Variants in TLN2 observed in about 807,000 individuals in gnomAD.
TLN2 encodes talin 2, also known as talin-2.
A neutral mutation model predicts 294.7 loss-of-function variants in TLN2; 118 were observed. That is an observed-to-expected ratio of 0.40 (90% CI 0.34 to 0.47). The LOEUF (loss-of-function observed/expected upper bound fraction) is 0.47. Among genes scored for constraint, TLN2 ranks in the 20% least tolerant of loss-of-function variants. The pLI, the probability that TLN2 is intolerant of heterozygous loss-of-function variation, is 0.84. For synonymous variants in TLN2, 1,431 were observed against 1,304.5 expected (o/e 1.10, Z -2.09); for missense variants, 3,083 against 3,282.2 (o/e 0.94, Z 1.48).
chr15:62,821,896 C>T (rs1262182818), intron 54 of TLN2, among the ~76,000 whole-genome samples: 2 of 152,152 alleles, frequency 1.3e-5, no homozygotes, highest in East Asian at 3.8e-4. Context: ...TAAGAGTCAA[C>T]CATTAACTAA....
At chr15:62,673,321 T>TTTTTTTTTA (rs2055705959) in intron 9 of TLN2, among the ~76,000 whole-genome samples, 1 of 140,406 alleles carries the variant, frequency 7.1e-6, no homozygotes, top group Non-Finnish European at 1.5e-5. Context: ...TTTTTTTTTT[T>TTTTTTTTTA]TTTTTTTGCA....
At chr15:62,495,817 G>A (rs1311446305) in intron 1 of TLN2, among the ~76,000 whole-genome samples, 1 of 152,092 alleles carries the variant, frequency 6.6e-6, no homozygotes, top group Non-Finnish European at 1.5e-5. Context: ...TTGCAGCAAG[G>A]TGGGGTGTGG....
chr15:62,599,183 C>G (rs1567169599), intron 2 of TLN2, among the ~76,000 whole-genome samples: 3 of 152,156 alleles, frequency 2.0e-5, no homozygotes, highest in Admixed American at 6.5e-5. Context: ...AAGGAAACAT[C>G]TTTAGAGCTG....
intron 16 of TLN2, 145 bp from the exon 17 acceptor site, chr15:62,700,961 T>A: frequency 1.5e-6 from 1 of 653,274 alleles, no homozygotes. Flanking sequence ...AAGGATACTG[T>A]TTAGGATAAC....
chr15:62,741,748 C>CGTGTGTGTGTGTGTGTGTGTGTGTGTGT (rs1555495658), intron 32 of TLN2, among the ~76,000 whole-genome samples: 68 of 131,160 alleles, frequency 5.2e-4, no homozygotes, highest in African/African-American at 1.7e-3. Context: ...AAAATTTGCG[C>CGTGTGTGTGTGTGTGTGTGTGTGTGTGT]GTGTGTGTGT....
At chr15:62,630,397 G>C (rs1264009439) in intron 3 of TLN2, among the ~76,000 whole-genome samples, 1 of 152,148 alleles carries the variant, frequency 6.6e-6, no homozygotes, top group Non-Finnish European at 1.5e-5. Flanking sequence ...TTGACTCCCT[G>C]ATATTTTTGC....
intron 1 of TLN2, among the ~76,000 whole-genome samples, chr15:62,554,052 C>T (rs2042469304): frequency 6.6e-6 from 1 of 150,944 alleles, no homozygotes; most frequent in Non-Finnish European, 1.5e-5. Context: ...ACTCAATTTT[C>T]AGGTAGATAA....
At chr15:62,572,043 G>T (rs1298958704) in intron 1 of TLN2, among the ~76,000 whole-genome samples, 1 of 152,084 alleles carries the variant, frequency 6.6e-6, no homozygotes, top group South Asian at 2.1e-4. Flanking sequence ...CCTTGTGCTG[G>T]GCACCTGGCA....
At chr15:62,586,103 T>C (rs991853831) in intron 1 of TLN2, among the ~76,000 whole-genome samples, 1 of 152,242 alleles carries the variant, frequency 6.6e-6, no homozygotes, top group Non-Finnish European at 1.5e-5. Context: ...ACTGCTGTGC[T>C]GTTGCTTTCC....
chr15:62,781,615 T>C (rs1191391825), intron 44 of TLN2, among the ~76,000 whole-genome samples: 3 of 152,108 alleles, frequency 2.0e-5, no homozygotes, highest in South Asian at 2.1e-4. Flanking sequence ...TTTTAGTAGA[T>C]TAAAATAACA....
intron 22 of TLN2, among the ~76,000 whole-genome samples, chr15:62,713,288 A>AG (rs1407997019): frequency 1.3e-5 from 2 of 151,216 alleles, no homozygotes; most frequent in African/African-American, 4.9e-5. Context: ...AAAAAAAAAA[A>AG]ACAAAAAATA....
chr15:62,480,161 C>A (rs933712572), intron 1 of TLN2, among the ~76,000 whole-genome samples: 1 of 152,116 alleles, frequency 6.6e-6, no homozygotes, highest in Non-Finnish European at 1.5e-5. Flanking sequence ...GGATGAGTGT[C>A]TTAAGAAGTG....
At position 62,564,917 on chromosome 15, in the gene TLN2, A is replaced by T. The variant is rs1216277600; in HGVS notation, c.-237-24770A>T. Among the ~76,000 whole-genome samples, 302 of 124,672 alleles carry T rather than the reference A, an allele frequency of 2.4e-3. 1 individual carries two copies. The highest frequency in any genetic ancestry group is 8.6e-3 in the South Asian group (32 of 3,732). The allele number at this position is 124,672 out of a possible 152,430, so 81.8% of individuals were successfully genotyped here. A position where few individuals can be genotyped will look rare whatever the true frequency, so the allele number is the denominator to read the frequency against. On this transcript the variant is annotated intron_variant, in intron 1 of 58. Coordinates refer to ENST00000636159, the MANE Select transcript of TLN2 (RefSeq NM_015059.3). ...AAAAACTCCATCTCAAAAAAAAAAAAAAAAAAAAATATATATATATATATA... is the reference window on the plus strand; with the variant it reads ...AAAAACTCCATCTCAAAAAAAAAAATAAAAAAAAATATATATATATATATA...
At chr15:62,839,858 G>A (rs928467336) in intron 58 of TLN2, among the ~76,000 whole-genome samples, 1 of 152,198 alleles carries the variant, frequency 6.6e-6, no homozygotes, top group East Asian at 1.9e-4. Context: ...CAATAACCCT[G>A]CCCTGGTAAT....
intron 45 of TLN2, among the ~76,000 whole-genome samples, chr15:62,786,841 C>T (rs2064703253): frequency 6.6e-6 from 1 of 152,162 alleles, no homozygotes; most frequent in Non-Finnish European, 1.5e-5. Flanking sequence ...GCAGTTTTTG[C>T]CATTACTTTT....
chr15:62,548,032 T>TA (rs2042090023), intron 1 of TLN2, among the ~76,000 whole-genome samples: 1 of 152,206 alleles, frequency 6.6e-6, no homozygotes, highest in Admixed American at 6.5e-5. Flanking sequence ...GTTGCAAACA[T>TA]ATGGAGCTTC....
At chr15:62,535,832 C>T (rs780613278) in intron 1 of TLN2, among the ~76,000 whole-genome samples, 16 of 152,142 alleles carry the variant, frequency 1.1e-4, no homozygotes, top group Admixed American at 5.2e-4. Context: ...GGATTACAGG[C>T]GTGAGCCACC....
At chr15:62,746,687 A>T (rs1036769504) in intron 32 of TLN2, among the ~76,000 whole-genome samples, 1 of 152,220 alleles carries the variant, frequency 6.6e-6, no homozygotes, top group Non-Finnish European at 1.5e-5. Flanking sequence ...AGTGTTGGTG[A>T]TTAACAGCAA....
At chr15:62,539,158 A>G (rs934508397) in intron 1 of TLN2, among the ~76,000 whole-genome samples, 2 of 152,216 alleles carry the variant, frequency 1.3e-5, no homozygotes, top group African/African-American at 4.8e-5. Flanking sequence ...AATTAGAAGC[A>G]GACATTTTAG....
Sources: gnomAD v4.1 joint callset for allele counts (sites outside exome capture counted in the v4.1 genomes callset) on GRCh38, gnomAD v4.1.1 for gene constraint, MANE v1.5 for transcripts, NCBI Gene and HGNC (gene_info 2026-07-23, HGNC 2026-07-21) for gene names.